Variants in CFAP99 observed in about 807,000 individuals in gnomAD.
CFAP99 encodes cilia and flagella associated protein 99.
Under a neutral mutation model 82.7 loss-of-function variants are expected in CFAP99, and 84 were observed. The observed-to-expected ratio is 1.02, with a 90% CI of 0.85 to 1.22. The LOEUF is 1.22. CFAP99 is among the 50% of genes most tolerant of loss of function. The pLI is 0.00. For synonymous variants in CFAP99, 456 were observed against 429.5 expected (o/e 1.06, Z -0.76); for missense variants, 1,059 against 983.5 (o/e 1.08, Z -1.03).
chr4:2,423,018 T>C (rs941127665), intron 1 of CFAP99, among the ~76,000 whole-genome samples: 5 of 152,150 alleles, frequency 3.3e-5, no homozygotes, highest in African/African-American at 4.8e-5. Context: ...CTGTGGAGTT[T>C]TAAAAAACGT....
At chr4:2,449,199 G>A (rs934859445) in intron 6 of CFAP99, among the ~76,000 whole-genome samples, 3 of 152,000 alleles carry the variant, frequency 2.0e-5, no homozygotes, top group Non-Finnish European at 2.9e-5. Context: ...GACTGGACTC[G>A]GGGATATGGT....
Position 2,462,270 on chromosome 4 carries a change from T to C in CFAP99, c.1662-173T>C. ...CCCTCCAGCCCCTGAGCGGTGGTACTGTCTAGGAGCGCGCCGCGGCCCCTG... is the reference window on the plus strand; with the variant it reads ...CCCTCCAGCCCCTGAGCGGTGGTACCGTCTAGGAGCGCGCCGCGGCCCCTG... On this transcript the variant is annotated intron_variant, in intron 14 of 14. Coordinates refer to ENST00000635017, the Ensembl canonical transcript of CFAP99. This position sits in a 1 kb window ranked among gnomAD's most constrained non-coding sequence, Gnocchi z 4.1. 1.9e-6 allele frequency: 1 copy of C among 514,714 alleles called. No homozygotes were observed. Among genetic ancestry groups the C allele is most frequent in the Non-Finnish European group, 3.2e-6 (1 of 312,646 alleles). 31.9% of individuals were successfully genotyped at this position (514,714 alleles called of 1,614,324 possible). A position where few individuals can be genotyped will look rare whatever the true frequency, so the allele number is the denominator to read the frequency against.
chr4:2,459,364 C>A, intron 13 of CFAP99, 106 bp downstream of exon 13: 2 of 1,313,694 alleles, frequency 1.5e-6, no homozygotes, highest in East Asian at 5.1e-5. Flanking sequence ...GTGGGTCTTG[C>A]ACCACCTGAA....
chr4:2,454,041 C>T (rs972340592), intron 11 of CFAP99, among the ~76,000 whole-genome samples: 9 of 151,950 alleles, frequency 5.9e-5, no homozygotes, highest in African/African-American at 1.2e-4. Context: ...CTCTGTCGCC[C>T]GGGCTGGAGT....
chr4:2,450,047 C>A, intron 8 of CFAP99, 42 bp downstream of exon 8: 2 of 1,522,850 alleles, frequency 1.3e-6, no homozygotes, highest in Non-Finnish European at 1.8e-6. Context: ...GAGGTGCCAT[C>A]TTCTCAAGCC....
chr4:2,442,550 C>T lies in CFAP99; in HGVS notation c.352-580C>T, dbSNP rs141287624. Among the ~76,000 whole-genome samples, 690 of 152,228 alleles carry T rather than the reference C, an allele frequency of 4.5e-3. 1 individual carries two copies. Among genetic ancestry groups the T allele is most frequent in the Non-Finnish European group, 6.6e-3 (450 of 67,992 alleles). ...TGCCCACCATTACCCCCGCTCAGCCCGTGCCTCCTCGGCCACCTCCCAAGT... is the reference window on the plus strand; with the variant it reads ...TGCCCACCATTACCCCCGCTCAGCCTGTGCCTCCTCGGCCACCTCCCAAGT... On this transcript the variant is annotated intron_variant, in intron 4 of 14. Coordinates refer to ENST00000635017, the Ensembl canonical transcript of CFAP99.
chr4:2,433,506 T>C (rs1455250413), intron 2 of CFAP99, among the ~76,000 whole-genome samples: 1 of 152,006 alleles, frequency 6.6e-6, no homozygotes. Context: ...GGTGCCAGCC[T>C]GGCTGTTGAG....
At chr4:2,452,406 G>T in intron 11 of CFAP99, 60 bp downstream of exon 11, 1 of 1,500,056 alleles carries the variant, frequency 6.7e-7, no homozygotes, top group South Asian at 1.2e-5. Context: ...TGCCCACCGG[G>T]AGCTGCAGGG....
intron 9 of CFAP99, 34 bp downstream of exon 9, chr4:2,451,052 C>T: frequency 6.6e-7 from 1 of 1,516,812 alleles, no homozygotes; most frequent in Non-Finnish European, 8.8e-7. Flanking sequence ...AGGCTGCTCT[C>T]CCTGGGCACC....
At position 2,446,230 on chromosome 4, in the gene CFAP99, C is replaced by G. The variant is rs1734161402; in HGVS notation, c.642+922C>G. ...TTCACTTAGTTTACTTCTCACTGAT[C>G]CTGGCTCCTTTTCTTCACCGAATTG... On this transcript the variant is annotated intron_variant, in intron 6 of 14. Transcript: ENST00000635017. This position sits in a 1 kb window ranked among gnomAD's most constrained non-coding sequence, Gnocchi z 5.0. Among the ~76,000 whole-genome samples the G allele has an allele frequency of 6.6e-6, 1 of 152,188 alleles. No homozygotes were observed. The highest frequency in any genetic ancestry group is 2.4e-5 in the African/African-American group (1 of 41,440).
In CFAP99 at chr4:2,450,929, C is replaced by T; in HGVS notation, c.796-18C>T. On this transcript the variant is annotated intron_variant, in intron 8 of 14. Transcript: ENST00000635017. Reference sequence around the variant, plus strand: ...AGGCACAGGTGCCAGGCGGCCAGCTCTGCCCTGACTCCTGCAGGGCTCCAA... The same window carrying T: ...AGGCACAGGTGCCAGGCGGCCAGCTTTGCCCTGACTCCTGCAGGGCTCCAA... 2 of 1,535,306 alleles carry T rather than the reference C, an allele frequency of 1.3e-6. No homozygotes were observed. Among genetic ancestry groups the T allele is most frequent in the Non-Finnish European group, 1.7e-6 (2 of 1,146,210 alleles).
rs571560052 is a variant in CFAP99 at position 2,449,747 on chromosome 4, C to A, written c.720C>A (p.Ala240=). The change falls in exon 7 of 15, where the codon GCC becomes GCA. Residue 240 remains alanine (A), a synonymous_variant. Coordinates refer to ENST00000635017, the Ensembl canonical transcript of CFAP99. ...TCAAGAGGTACAACCGCCGAAAGGC[C>A]GAGGTGAGCTGTGTGCGACCCCTGC... 3 of 1,536,028 alleles carry A rather than the reference C, an allele frequency of 2.0e-6. No individual in the cohort carries two copies. The African/African-American group carries it at 4.1e-5, about 21-fold the overall frequency.
chr4:2,419,762 G>A (rs1320830775), intron 1 of CFAP99, among the ~76,000 whole-genome samples: 1 of 152,098 alleles, frequency 6.6e-6, no homozygotes, highest in Non-Finnish European at 1.5e-5. Context: ...TCTCTTAGTT[G>A]GGGGTAGGGT....
At position 2,436,917 on chromosome 4, in the gene CFAP99, C is replaced by G. The variant is rs559031716; in HGVS notation, c.155C>G (p.Ser52Cys). ...CAGAGCTTTGTTTTGGAGGTTCTGT[C>G]TGGGTGCCTCGAGTACCGGAAGCTG... Residue 52 changes from serine (S) to cysteine (C), a missense_variant, in exon 3 of 15, where the codon TCT (serine) becomes TGT (cysteine). Coordinates refer to ENST00000635017, the Ensembl canonical transcript of CFAP99. 1.3e-5 allele frequency: 20 copies of G among 1,536,066 alleles called. No homozygotes were observed. The African/African-American group carries it at 2.0e-4, about 16-fold the overall frequency.
At chr4:2,436,528 ACT>A (rs1733911288) in intron 2 of CFAP99, among the ~76,000 whole-genome samples, 1 of 151,792 alleles carries the variant, frequency 6.6e-6, no homozygotes, top group Admixed American at 6.6e-5. Context: ...GCATTAGGCG[ACT>A]CTCATGCCCG....
chr4:2,436,790 T>G, intron 2 of CFAP99, 84 bp from the exon 3 acceptor site: 1 of 1,059,776 alleles, frequency 9.4e-7, no homozygotes, highest in Non-Finnish European at 1.4e-6. Context: ...GCTCCACCCC[T>G]GCCTTTGCCC....
intron 1 of CFAP99, among the ~76,000 whole-genome samples, chr4:2,421,025 G>A (rs1733573779): frequency 1.3e-5 from 2 of 152,312 alleles, no homozygotes; most frequent in Middle Eastern, 6.8e-3. Flanking sequence ...AGTAGACCCA[G>A]CTAAAAATCA....
rs2108718245 is a variant in CFAP99, at chr4:2,435,889, G to GCAGCTACTCAGGAGGCCGAGGTGGGA, written c.112-985_112-984insCAGCTACTCAGGAGGCCGAGGTGGGA. 1.8e-3 allele frequency among the ~76,000 whole-genome samples: 183 copies of GCAGCTACTCAGGAGGCCGAGGTGGGA among 102,940 alleles called. 2 individuals are homozygous for GCAGCTACTCAGGAGGCCGAGGTGGGA. Among genetic ancestry groups the GCAGCTACTCAGGAGGCCGAGGTGGGA allele is most frequent in the African/African-American group, 8.5e-3 (174 of 20,464 alleles). The allele number at this position is 102,940 out of a possible 152,430, so 67.5% of individuals were successfully genotyped here. On this transcript the variant is annotated intron_variant, in intron 2 of 14. Transcript: ENST00000635017. ...CAGCTACTCAGGAGGCCGAGGTGGG[G>GCAGCTACTCAGGAGGCCGAGGTGGGA]AGCAGCTACTCAGGAGGCCGAGGTG...
At chr4:2,442,060 G>A (rs1030269842) in intron 4 of CFAP99, among the ~76,000 whole-genome samples, 2 of 152,202 alleles carry the variant, frequency 1.3e-5, no homozygotes, top group Admixed American at 6.5e-5. Flanking sequence ...GGGTAGGGCT[G>A]TCCCACCACA....
Sources: gnomAD v4.1 joint callset for allele counts (sites outside exome capture counted in the v4.1 genomes callset) on GRCh38, gnomAD v4.1.1 for gene constraint, Gnocchi (gnomAD v3.1) non-coding constraint, MANE v1.5 for transcripts, NCBI Gene and HGNC (gene_info 2026-07-23, HGNC 2026-07-21) for gene names.